PRKN: variants seen among roughly 807,000 people sequenced by gnomAD.
The protein encoded by PRKN is E3 ubiquitin-protein ligase parkin.
A neutral mutation model predicts 59.5 loss-of-function variants in PRKN; 56 were observed. That is an observed-to-expected ratio of 0.94 (90% CI 0.76 to 1.18). The LOEUF (loss-of-function observed/expected upper bound fraction) is 1.18, where lower values mean the gene tolerates loss of function less well. Among genes scored for constraint, PRKN ranks in the 50% most tolerant of loss-of-function variants. The probability of loss-of-function intolerance (pLI) is 0.00; values close to 1 mark genes in which losing one functional copy is unlikely to be tolerated. For missense variants in PRKN, 657 were observed against 596.4 expected (o/e 1.10, Z -1.06); for synonymous variants, 250 against 222.1 (o/e 1.13, Z -1.12).
intron 6 of PRKN, among the ~76,000 whole-genome samples, chr6:161,961,385 G>T (rs578173098): frequency 1.3e-5 from 2 of 152,258 alleles, no homozygotes; most frequent in East Asian, 3.9e-4. Context: ...GTATCTAGCC[G>T]GTTGGGTGTA....
In PRKN at chr6:161,462,126, C is replaced by T. The variant is rs184619417; in HGVS notation, c.1084-75249G>A. ...ACCTGCAATGAGCGGGGACTCACTA[C>T]GGTAGGGACCTACACATGCTTTGTC... is the stretch of plus-strand genomic sequence containing the variant. On this transcript the variant is annotated intron_variant, in intron 9 of 11. Transcript: ENST00000366898. The surrounding 1 kb of genome is among the most constrained non-coding windows in gnomAD (Gnocchi z 4.5). Among the ~76,000 whole-genome samples, 12 of 152,260 alleles carry T rather than the reference C, an allele frequency of 7.9e-5. No individual in the cohort carries two copies. The highest frequency in any genetic ancestry group is 2.4e-4 in the African/African-American group (10 of 41,548).
intron 1 of PRKN, among the ~76,000 whole-genome samples, chr6:162,711,420 T>TTAA (rs1554264285): frequency 6.9e-6 from 1 of 144,312 alleles, no homozygotes; most frequent in South Asian, 2.2e-4. Flanking sequence ...AACTGCTATT[T>TTAA]AAAAAAAAAA....
chr6:161,436,939 G>A (rs1318941288), intron 9 of PRKN, among the ~76,000 whole-genome samples: 2 of 152,000 alleles, frequency 1.3e-5, no homozygotes, highest in East Asian at 3.9e-4. Context: ...TACAAGCTTG[G>A]TAGCAGTGCC....
intron 9 of PRKN, among the ~76,000 whole-genome samples, chr6:161,490,524 G>C (rs1777515244): frequency 6.6e-6 from 1 of 151,480 alleles, no homozygotes; most frequent in Non-Finnish European, 1.5e-5. Context: ...CCAAGTAGCT[G>C]AGCTTACAGG....
chr6:162,013,638 G>A (rs1376171641), intron 5 of PRKN, among the ~76,000 whole-genome samples: 1 of 152,098 alleles, frequency 6.6e-6, no homozygotes, highest in African/African-American at 2.4e-5. Flanking sequence ...GTGTTTATTC[G>A]AGACTCTTCT....
chr6:162,132,553 A>G (rs1163273661), intron 4 of PRKN, among the ~76,000 whole-genome samples: 1 of 152,188 alleles, frequency 6.6e-6, no homozygotes, highest in Non-Finnish European at 1.5e-5. Flanking sequence ...TTCAAATGCA[A>G]TCATCACTGT....
At chr6:162,700,711 C>A (rs887923504) in intron 1 of PRKN, among the ~76,000 whole-genome samples, 2 of 152,024 alleles carry the variant, frequency 1.3e-5, no homozygotes, top group Non-Finnish European at 2.9e-5. Flanking sequence ...ATCTCTACTT[C>A]AAATTGACCC....
chr6:161,651,149 T>C (rs1582948066), intron 7 of PRKN, among the ~76,000 whole-genome samples: 1 of 152,348 alleles, frequency 6.6e-6, no homozygotes, highest in East Asian at 1.9e-4. Flanking sequence ...AATTAAGACA[T>C]ATACATCTAA....
At chr6:162,014,723 C>T (rs373071941) in intron 5 of PRKN, among the ~76,000 whole-genome samples, 1 of 152,116 alleles carries the variant, frequency 6.6e-6, no homozygotes, top group Non-Finnish European at 1.5e-5. Context: ...GCTCTCTCTC[C>T]CAGCTGAGGG....
At chr6:162,358,864 A>C (rs1328235920) in intron 2 of PRKN, among the ~76,000 whole-genome samples, 8 of 151,890 alleles carry the variant, frequency 5.3e-5, no homozygotes. Flanking sequence ...GTTGGAGATA[A>C]GCCTGGCCAA....
intron 1 of PRKN, among the ~76,000 whole-genome samples, chr6:162,588,395 A>AC (rs1168122896): frequency 2.2e-4 from 33 of 152,126 alleles, no homozygotes; most frequent in Non-Finnish European, 1.8e-4. Context: ...ACATTAACAA[A>AC]AAAAAAAAGC....
At chr6:162,300,750 G>A (rs746522892) in intron 2 of PRKN, among the ~76,000 whole-genome samples, 10 of 152,234 alleles carry the variant, frequency 6.6e-5, no homozygotes, top group Admixed American at 1.3e-4. Flanking sequence ...ACAGGCAACA[G>A]AATTGCACCA....
At chr6:161,421,521 T>C (rs1225612657) in intron 9 of PRKN, among the ~76,000 whole-genome samples, 2 of 152,202 alleles carry the variant, frequency 1.3e-5, no homozygotes, top group African/African-American at 4.8e-5. Context: ...GAGTATGTTG[T>C]ATCTTCTGTA....
intron 5 of PRKN, among the ~76,000 whole-genome samples, chr6:162,023,546 TCTC>T (rs1166789879): frequency 2.0e-5 from 3 of 151,988 alleles, no homozygotes; most frequent in East Asian, 1.9e-4. Flanking sequence ...GGTGTGCTCT[TCTC>T]CTAGCCTGCT....
intron 3 of PRKN, among the ~76,000 whole-genome samples, chr6:162,240,406 C>T (rs572046741): frequency 6.6e-6 from 1 of 152,128 alleles, no homozygotes; most frequent in African/African-American, 2.4e-5. Context: ...AATGTTTTTA[C>T]TTTTAAGAGG....
At position 162,056,274 on chromosome 6, in the gene PRKN, C is replaced by T. The variant is rs1777862143; in HGVS notation, c.535-2100G>A. Among the ~76,000 whole-genome samples, 1 of 150,678 alleles carries T rather than the reference C, an allele frequency of 6.6e-6. No homozygotes were observed. The highest frequency in any genetic ancestry group is 6.6e-5 in the Admixed American group (1 of 15,144). ...ACATACATCCAAACACATACATGCA[C>T]ACCAAGACACACCACACATGCATAA... On this transcript the variant is annotated intron_variant, in intron 4 of 11. Coordinates refer to ENST00000366898, the MANE Select transcript of PRKN (RefSeq NM_004562.3). This position sits in a 1 kb window ranked among gnomAD's most constrained non-coding sequence, Gnocchi z 4.9.
intron 9 of PRKN, among the ~76,000 whole-genome samples, chr6:161,523,496 A>C (rs1778912129): frequency 6.6e-6 from 1 of 152,216 alleles, no homozygotes; most frequent in Admixed American, 6.5e-5. Context: ...ATGGCGATTC[A>C]TATCAATTGC....
In PRKN at chr6:161,837,559, TG is replaced by T. The variant is rs1792808729; in HGVS notation, c.735-51652del. On this transcript the variant is annotated intron_variant, in intron 6 of 11. Coordinates refer to ENST00000366898, the MANE Select transcript of PRKN (RefSeq NM_004562.3). ...TAAACTTCTTAATTTCCTGGGTGTC[TG>T]GGTTTTTTTTCCTTTAAAAAAAAAA... is the stretch of plus-strand genomic sequence containing the variant. 2.7e-5 allele frequency among the ~76,000 whole-genome samples: 4 copies of T among 150,482 alleles called. No homozygotes were observed. The East Asian group carries it at 7.8e-4, about 29-fold the overall frequency.
intron 9 of PRKN, among the ~76,000 whole-genome samples, chr6:161,455,042 G>GT (rs756139399): frequency 0.065 from 9,258 of 141,430 alleles, 309 homozygotes; most frequent in Non-Finnish European, 0.074. Context: ...TTTGACACGT[G>GT]TTTTTTTTTT....
Sources: allele counts gnomAD v4.1 joint callset (sites outside exome capture counted in the v4.1 genomes callset), GRCh38; gene constraint gnomAD v4.1.1; non-coding constraint Gnocchi (gnomAD v3.1); transcripts MANE v1.5; gene names NCBI Gene and HGNC (gene_info 2026-07-23, HGNC 2026-07-21).